The following FRAS1 variants were observed in gnomAD, a reference collection of about 807,000 sequenced individuals.
FRAS1 encodes extracellular matrix organizing protein FRAS1.
A neutral mutation model predicts 435.2 loss-of-function variants in FRAS1; 290 were observed. That is an observed-to-expected ratio of 0.67 (90% CI 0.61 to 0.73). FRAS1 has a LOEUF of 0.73. Ranked by LOEUF, FRAS1 falls within the 30% of genes least tolerant of loss-of-function variation. The pLI is 0.00. For synonymous variants in FRAS1, 1,800 were observed against 1,851.0 expected (o/e 0.97, Z 0.71); for missense variants, 4,860 against 5,001.5 (o/e 0.97, Z 0.85).
intron 20 of FRAS1, among the ~76,000 whole-genome samples, chr4:78,361,194 A>G (rs120233): frequency 0.65 from 98,139 of 152,098 alleles, 32,246 homozygotes; most frequent in Non-Finnish European, 0.67. Context: ...ATTTCCCTTC[A>G]CACAGCTGGG....
At chr4:78,476,337 G>A (rs115553762) in intron 54 of FRAS1, among the ~76,000 whole-genome samples, 3,117 of 152,202 alleles carry the variant, frequency 0.02, 110 homozygotes, top group African/African-American at 0.07. Flanking sequence ...ATTAAAGGTG[G>A]CAATGAGAAA....
rs767692679 is a variant in FRAS1, at chr4:78,438,884, CT to C, written c.5367-13del. The C allele has an allele frequency of 2.9e-5, 46 of 1,587,466 alleles. No homozygotes were observed. Among genetic ancestry groups the C allele is most frequent in the Non-Finnish European group, 3.9e-5 (46 of 1,170,520 alleles). ...GTCATCGTGGCTTATTCATTTGATT[CT>C]TTTTGTTTTTTTATAGATACTCAGC... On this transcript the variant is annotated splice_polypyrimidine_tract_variant and intron_variant, in intron 39 of 73. Coordinates refer to ENST00000512123, the MANE Select transcript of FRAS1 (RefSeq NM_025074.7).
At chr4:78,172,632 T>TA (rs1721605180) in intron 2 of FRAS1, among the ~76,000 whole-genome samples, 1 of 152,150 alleles carries the variant, frequency 6.6e-6, no homozygotes, top group Non-Finnish European at 1.5e-5. Flanking sequence ...ACTCTGACAC[T>TA]AAACAACTAA....
intron 47 of FRAS1, among the ~76,000 whole-genome samples, chr4:78,456,448 A>G (rs1203028635): frequency 6.6e-6 from 1 of 152,164 alleles, no homozygotes; most frequent in Non-Finnish European, 1.5e-5. Flanking sequence ...GGCCTCAAAT[A>G]ACATATATCA....
intron 68 of FRAS1, among the ~76,000 whole-genome samples, 161 bp from the exon 69 acceptor site, chr4:78,522,488 C>G (rs967453542): frequency 6.6e-6 from 1 of 152,106 alleles, no homozygotes; most frequent in Non-Finnish European, 1.5e-5. Context: ...GCCATTCTAT[C>G]CAGTGTGGAA....
intron 3 of FRAS1, among the ~76,000 whole-genome samples, chr4:78,243,535 A>C (rs1051889690): frequency 1.3e-5 from 2 of 152,050 alleles, no homozygotes; most frequent in African/African-American, 4.8e-5. Context: ...TCATTCTTCA[A>C]GCACCCACAT....
intron 1 of FRAS1, among the ~76,000 whole-genome samples, chr4:78,061,584 C>T (rs1739763096): frequency 6.6e-6 from 1 of 152,110 alleles, no homozygotes; most frequent in Non-Finnish European, 1.5e-5. Context: ...ATTTGATAGA[C>T]AATATGTTTT....
At position 78,111,656 on chromosome 4, in the gene FRAS1, G is replaced by A. The variant is rs1241451474; in HGVS notation, c.108+45640G>A. 1.9e-3 allele frequency among the ~76,000 whole-genome samples: 218 copies of A among 117,332 alleles called. 3 individuals carry two copies. Among genetic ancestry groups the A allele is most frequent in the Middle Eastern group, 3.8e-3 (1 of 262 alleles). 77.0% of individuals were successfully genotyped at this position (117,332 alleles called of 152,430 possible). A position where few individuals can be genotyped will look rare whatever the true frequency, so the allele number is the denominator to read the frequency against. ...TTGGGAGATATACCTAATGCTAGATGACACATTAGTGGGTGCAGCGCACCA... is the reference window on the plus strand; with the variant it reads ...TTGGGAGATATACCTAATGCTAGATAACACATTAGTGGGTGCAGCGCACCA... On this transcript the variant is annotated intron_variant, in intron 2 of 73. Transcript: ENST00000512123.
At chr4:78,266,706 C>T in intron 7 of FRAS1, 128 bp from the exon 8 acceptor site, 1 of 699,828 alleles carries the variant, frequency 1.4e-6, no homozygotes. Context: ...GTTTTCATTT[C>T]TCAAGAGTAC....
chr4:78,416,890 T>C (rs1328158281), intron 32 of FRAS1, among the ~76,000 whole-genome samples: 1 of 151,798 alleles, frequency 6.6e-6, no homozygotes, highest in African/African-American at 2.4e-5. Context: ...CTCAGCAGAG[T>C]GGTGGCAGTG....
In FRAS1 at chr4:78,375,754, G is replaced by A; in HGVS notation, c.3167G>A (p.Cys1056Tyr). The A allele has an allele frequency of 6.2e-7, 1 of 1,601,800 alleles. No individual in the cohort carries two copies. Among genetic ancestry groups the A allele is most frequent in the South Asian group, 1.1e-5 (1 of 89,114 alleles). Residue 1056 changes from cysteine to tyrosine, a missense_variant, in exon 26 of 74, where the codon TGC becomes TAC. Cys to Tyr is a radical substitution (Grantham distance 194, BLOSUM62 -2). Transcript: ENST00000512123. ...KHKCTACPQG[C>Y]LQCSHRDRCH... ...TTTTTAATAGCCTGCCCTCAGGGGT[G>A]CTTGCAGTGCAGCCACAGGGACCGT...
At position 78,270,925 on chromosome 4, in the gene FRAS1, C is replaced by A. The variant is rs565468656; in HGVS notation, c.981+3493C>A. Among the ~76,000 whole-genome samples the A allele has an allele frequency of 6.6e-5, 10 of 152,136 alleles. No homozygotes were observed. In the South Asian group the frequency reaches 2.1e-3, roughly 32 times the overall value. ...TTGATGGACAGTAATCTATATAACT[C>A]CAAAATAATTATAATCATTTATGTA... On this transcript the variant is annotated intron_variant, in intron 9 of 73. Coordinates refer to ENST00000512123, the MANE Select transcript of FRAS1 (RefSeq NM_025074.7).
intron 29 of FRAS1, among the ~76,000 whole-genome samples, chr4:78,395,243 G>A (rs1298186763): frequency 3.3e-5 from 5 of 151,934 alleles, no homozygotes; most frequent in Admixed American, 3.3e-4. Context: ...TGATTTCAGT[G>A]TTCTTAAATT....
At chr4:78,477,247 T>C (rs972426727) in intron 54 of FRAS1, among the ~76,000 whole-genome samples, 1 of 152,224 alleles carries the variant, frequency 6.6e-6, no homozygotes, top group Non-Finnish European at 1.5e-5. Context: ...ATACTAATGA[T>C]AATATCTTAT....
At chr4:78,196,328 A>G (rs930774551) in intron 2 of FRAS1, among the ~76,000 whole-genome samples, 2 of 152,100 alleles carry the variant, frequency 1.3e-5, no homozygotes, top group Non-Finnish European at 2.9e-5. Context: ...TTATAACAAG[A>G]TCATATCTTA....
chr4:78,536,570 CCATGAGTTATT>C (rs1721889178), intron 71 of FRAS1, among the ~76,000 whole-genome samples: 1 of 152,100 alleles, frequency 6.6e-6, no homozygotes, highest in Non-Finnish European at 1.5e-5. Context: ...TGTGAGCACT[CCATGAGTTATT>C]ACATGAGAGG....
intron 70 of FRAS1, among the ~76,000 whole-genome samples, chr4:78,531,933 A>G (rs1721728195): frequency 6.6e-6 from 1 of 152,222 alleles, no homozygotes; most frequent in Admixed American, 6.5e-5. Flanking sequence ...TTTAAAATAT[A>G]TTAAAAATCC....
chr4:78,292,699 C>A (rs1347970009), intron 14 of FRAS1, among the ~76,000 whole-genome samples: 2 of 152,186 alleles, frequency 1.3e-5, no homozygotes, highest in Non-Finnish European at 2.9e-5. Context: ...GCCCTCCTCG[C>A]AAGACAGGGG....
chr4:78,306,232 G>A (rs4932037), intron 14 of FRAS1, among the ~76,000 whole-genome samples: 40,743 of 150,960 alleles, frequency 0.27, 6,348 homozygotes, highest in Admixed American at 0.35. Context: ...CAAGAGATCC[G>A]CTGTTAGTCT....
Sources: allele counts gnomAD v4.1 joint callset (sites outside exome capture counted in the v4.1 genomes callset), GRCh38; gene constraint gnomAD v4.1.1; transcripts MANE v1.5; gene names NCBI Gene and HGNC (gene_info 2026-07-23, HGNC 2026-07-21).